WDR19: variants seen among roughly 807,000 people sequenced by gnomAD.
WDR19 encodes WD repeat domain 19.
In WDR19, 121 loss-of-function variants were observed where a neutral mutation model predicts 180.0. That is an observed-to-expected ratio of 0.67 (90% CI 0.58 to 0.78). The LOEUF (loss-of-function observed/expected upper bound fraction) is 0.78, where lower values mean the gene tolerates loss of function less well. Ranked by LOEUF, WDR19 falls within the 30% of genes least tolerant of loss-of-function variation. The pLI, the probability that WDR19 is intolerant of heterozygous loss-of-function variation, is 0.00. For missense variants in WDR19, 1,450 were observed against 1,640.7 expected (o/e 0.88, Z 2.01); for synonymous variants, 497 against 540.7 (o/e 0.92, Z 1.12).
chr4:39,238,234 T>G (rs2109387703), intron 20 of WDR19, among the ~76,000 whole-genome samples: 1 of 152,308 alleles, frequency 6.6e-6, no homozygotes, highest in Middle Eastern at 3.4e-3. Context: ...ACCCTAGGCC[T>G]GTGTTCAATT....
intron 36 of WDR19, among the ~76,000 whole-genome samples, chr4:39,278,878 G>A (rs1020590805): frequency 5.9e-5 from 9 of 152,154 alleles, no homozygotes; most frequent in Non-Finnish European, 1.2e-4. Flanking sequence ...CAAGCAGTAT[G>A]ATTCTGACTA....
intron 31 of WDR19, among the ~76,000 whole-genome samples, chr4:39,270,521 A>G (rs1186771806): frequency 6.6e-6 from 1 of 152,108 alleles, no homozygotes; most frequent in Non-Finnish European, 1.5e-5. Context: ...GATTACAGGC[A>G]CACACCACCA....
chr4:39,186,082 A>ATGT (rs1376873445), intron 2 of WDR19, among the ~76,000 whole-genome samples: 13 of 152,216 alleles, frequency 8.5e-5, no homozygotes, highest in Admixed American at 4.6e-4. Flanking sequence ...ATGAAAGTTC[A>ATGT]TAGAACCTTT....
At chr4:39,225,322 C>T (rs946731215) in intron 15 of WDR19, among the ~76,000 whole-genome samples, 4 of 152,140 alleles carry the variant, frequency 2.6e-5, no homozygotes, top group Non-Finnish European at 5.9e-5. Flanking sequence ...CTGCACAATA[C>T]AATAATTATA....
intron 5 of WDR19, among the ~76,000 whole-genome samples, chr4:39,197,628 C>A (rs950279755): frequency 6.6e-6 from 1 of 151,714 alleles, no homozygotes; most frequent in Non-Finnish European, 1.5e-5. Context: ...CAGAAATACC[C>A]ATAGTGTCAA....
At chr4:39,183,250 C>CTTTGTTTTTTTTTTTTT (rs1725145716) in intron 1 of WDR19, among the ~76,000 whole-genome samples, 1 of 79,222 alleles carries the variant, frequency 1.3e-5, no homozygotes, top group Non-Finnish European at 2.2e-5. Context: ...AAATGGAAGG[C>CTTTGTTTTTTTTTTTTT]TTTTTTTTTT....
In WDR19 at chr4:39,199,583, C is replaced by G. The variant is rs777646123; in HGVS notation, c.512C>G (p.Thr171Arg). 2 of 1,612,156 alleles carry G rather than the reference C, an allele frequency of 1.2e-6. No individual in the cohort carries two copies. Among genetic ancestry groups the G allele is most frequent in the South Asian group, 2.2e-5 (2 of 90,988 alleles). The change falls in exon 6 of 37, where the codon ACG becomes AGG. Residue 171 changes from threonine to arginine, a missense_variant. Transcript: ENST00000399820. ...ACAGTTAGTAATCAGGAAGGTGACA[C>G]GATAAGACAGGTAATACAGTAACGT... ...MITVSNQEGD[T>R]IRQTQVRSEP... is the part of the protein sequence containing the mutation.
At chr4:39,230,887 C>G (rs1730771225) in intron 17 of WDR19, among the ~76,000 whole-genome samples, 1 of 152,128 alleles carries the variant, frequency 6.6e-6, no homozygotes, top group Admixed American at 6.5e-5. Flanking sequence ...ATGTTTTAAA[C>G]CAGAGGTCGG....
intron 5 of WDR19, among the ~76,000 whole-genome samples, chr4:39,197,425 C>CAAAAAAAAA (rs11343008): frequency 2.6e-5 from 3 of 113,342 alleles, no homozygotes; most frequent in African/African-American, 3.5e-5. Context: ...GACTCTATCT[C>CAAAAAAAAA]AAAAAAAAAA....
chr4:39,190,756 T>A (rs946663482), intron 4 of WDR19, among the ~76,000 whole-genome samples: 2 of 152,236 alleles, frequency 1.3e-5, no homozygotes, highest in African/African-American at 4.8e-5. Flanking sequence ...AGATACTGTC[T>A]ACCAATGTAA....
intron 20 of WDR19, among the ~76,000 whole-genome samples, chr4:39,235,468 A>G (rs1486541226): frequency 2.0e-5 from 3 of 152,100 alleles, no homozygotes; most frequent in Non-Finnish European, 4.4e-5. Flanking sequence ...ATCAACAACT[A>G]TGCATAGCAT....
chr4:39,194,580 A>C lies in WDR19; in HGVS notation c.327A>C (p.Gly109=), dbSNP rs754174803. Residue 109 remains glycine (G), a synonymous_variant, in exon 5 of 37, where the codon GGA becomes GGC. Coordinates refer to ENST00000399820, the MANE Select transcript of WDR19 (RefSeq NM_025132.4). The part of the protein sequence containing the change: ...QMSFLLWSKV[G]SFLAVGTVKG... ...CTTTCCTTCTTTGGTCAAAAGTTGG[A>C]AGTTTCCTGGCTGTTGGAACTGTTA... 6.2e-7 allele frequency: 1 copy of C among 1,613,172 alleles called. No homozygotes were observed. Among genetic ancestry groups the C allele is most frequent in the Admixed American group, 1.7e-5 (1 of 59,924 alleles).
In WDR19 at chr4:39,278,245, T is replaced by C. The variant is rs200183729; in HGVS notation, c.3917+38T>C. On this transcript the variant is annotated intron_variant, in intron 35 of 36. Coordinates refer to ENST00000399820, the MANE Select transcript of WDR19 (RefSeq NM_025132.4). ...CACGTCACTCAGTCTCACTGATTTCTCCCGACACAGGCCTTTCATTCTACC... is the reference window on the plus strand; with the variant it reads ...CACGTCACTCAGTCTCACTGATTTCCCCCGACACAGGCCTTTCATTCTACC... The C allele has an allele frequency of 3.1e-3, 4,819 of 1,530,774 alleles. 17 individuals are homozygous for C. The highest frequency in any genetic ancestry group is 3.8e-3 in the Non-Finnish European group (4,302 of 1,125,484). 94.8% of individuals were successfully genotyped at this position (1,530,774 alleles called of 1,614,324 possible). A position where few individuals can be genotyped will look rare whatever the true frequency, so the allele number is the denominator to read the frequency against.
chr4:39,185,514 A>T (rs963714253), intron 1 of WDR19, among the ~76,000 whole-genome samples: 1 of 152,192 alleles, frequency 6.6e-6, no homozygotes, highest in African/African-American at 2.4e-5. Context: ...ATATCTTGAG[A>T]TCTGTAATTT....
intron 21 of WDR19, among the ~76,000 whole-genome samples, chr4:39,243,071 C>T (rs1358884972): frequency 1.3e-5 from 2 of 152,120 alleles, no homozygotes; most frequent in Non-Finnish European, 2.9e-5. Context: ...TTTAAAAAAA[C>T]AGCAACTTTT....
At chr4:39,214,476 G>C (rs900125510) in intron 9 of WDR19, 125 bp from the exon 10 acceptor site, 1 of 560,244 alleles carries the variant, frequency 1.8e-6, no homozygotes, top group Non-Finnish European at 3.2e-6. Flanking sequence ...TAACCCAGTA[G>C]ATCATTCTGT....
chr4:39,203,657 G>A lies in WDR19; in HGVS notation c.538G>A (p.Glu180Lys). 6.2e-7 allele frequency: 1 copy of A among 1,612,668 alleles called. No individual in the cohort carries two copies. Among genetic ancestry groups the A allele is most frequent in the South Asian group, 1.1e-5 (1 of 90,650 alleles). Residue 180 changes from glutamate to lysine, a missense_variant, in exon 7 of 37, where the codon GAG (glutamate) becomes AAG (lysine). Transcript: ENST00000399820. ...ACTCCTTTAGACACAAGTGAGATCA[G>A]AGCCTAGCAACATGCAGTTTTTCTT... ...DTIRQTQVRS[E>K]PSNMQFFLMK...
intron 5 of WDR19, among the ~76,000 whole-genome samples, chr4:39,195,387 C>CAAAAAAAAAAAAAAAAAAAAAA (rs11372483): frequency 1.4e-5 from 2 of 141,910 alleles, no homozygotes; most frequent in Non-Finnish European, 3.1e-5. Context: ...AACAAAAAAA[C>CAAAAAAAAAAAAAAAAAAAAAA]AAACAAACAA....
In WDR19 at chr4:39,281,234, T is replaced by TAGAGAGAGAGAG. The variant is rs1189043858; in HGVS notation, c.*13+2572_*13+2573insGAGAGAGAGAGA. On this transcript the variant is annotated intron_variant, in intron 36 of 36. Transcript: ENST00000399820. ...GTGTGTGTATATATATATATATATA[T>TAGAGAGAGAGAG]ATAGAGAGAGAGAGAGAGAGAGAGA... Among the ~76,000 whole-genome samples, 715 of 108,274 alleles carry TAGAGAGAGAGAG rather than the reference T, an allele frequency of 6.6e-3. 13 individuals carry two copies. The highest frequency in any genetic ancestry group is 0.03 in the African/African-American group (631 of 20,950). The allele number at this position is 108,274 out of a possible 152,430, so 71.0% of individuals were successfully genotyped here.
Sources: allele counts gnomAD v4.1 joint callset (sites outside exome capture counted in the v4.1 genomes callset), GRCh38; gene constraint gnomAD v4.1.1; transcripts MANE v1.5; gene names NCBI Gene and HGNC (gene_info 2026-07-23, HGNC 2026-07-21).